ADARB2: variants seen among roughly 807,000 people sequenced by gnomAD.
ADARB2 encodes adenosine deaminase RNA specific B2 (inactive), also known as inactive double-stranded RNA-specific editase B2.
ADARB2 carries 25 observed loss-of-function variants against 62.2 expected under a neutral mutation model. The ratio of observed to expected loss-of-function variants is 0.40; its 90% CI spans 0.29 to 0.56. The LOEUF (loss-of-function observed/expected upper bound fraction) is 0.56, where lower values mean the gene tolerates loss of function less well. Ranked by LOEUF, ADARB2 falls within the 20% of genes least tolerant of loss-of-function variation. ADARB2 has a pLI of 0.43. For synonymous variants in ADARB2, 572 were observed against 500.8 expected (o/e 1.14, Z -1.90); for missense variants, 1,071 against 1,077.4 (o/e 0.99, Z 0.08).
chr10:1,480,630 G>A (rs1039401537), intron 1 of ADARB2, among the ~76,000 whole-genome samples: 14 of 149,650 alleles, frequency 9.4e-5, no homozygotes, highest in African/African-American at 2.9e-4. Flanking sequence ...CCTGGGAGGC[G>A]GAGCTTGCAG....
At chr10:1,590,207 C>CTCACATTTTGGT (rs1332659103) in intron 1 of ADARB2, among the ~76,000 whole-genome samples, 1 of 152,206 alleles carries the variant, frequency 6.6e-6, no homozygotes, top group Non-Finnish European at 1.5e-5. Flanking sequence ...TGACTTCCAT[C>CTCACATTTTGGT]TGTGCTCATT....
intron 1 of ADARB2, among the ~76,000 whole-genome samples, chr10:1,452,181 C>T (rs1408025051): frequency 6.6e-6 from 1 of 152,164 alleles, no homozygotes; most frequent in Non-Finnish European, 1.5e-5. Context: ...GAGACAGCAG[C>T]TTTCCAGCTG....
chr10:1,288,923 G>C (rs1173915484), intron 3 of ADARB2, among the ~76,000 whole-genome samples: 6 of 152,172 alleles, frequency 3.9e-5, no homozygotes, highest in Non-Finnish European at 8.8e-5. Flanking sequence ...CCTCTTCTCA[G>C]CCAAGGGCAT....
intron 1 of ADARB2, among the ~76,000 whole-genome samples, chr10:1,579,780 A>G (rs961422820): frequency 1.3e-5 from 2 of 152,146 alleles, no homozygotes. Context: ...ACCGCTGGTG[A>G]CTTCTCATCC....
intron 1 of ADARB2, among the ~76,000 whole-genome samples, chr10:1,708,319 C>G (rs1253846035): frequency 6.6e-6 from 1 of 152,176 alleles, no homozygotes; most frequent in Non-Finnish European, 1.5e-5. Flanking sequence ...GGGTGCCTAC[C>G]TGCAGTTTAA....
At chr10:1,338,228 A>G (rs561337543) in intron 3 of ADARB2, among the ~76,000 whole-genome samples, 5 of 152,222 alleles carry the variant, frequency 3.3e-5, no homozygotes, top group South Asian at 2.1e-4. Flanking sequence ...TGGCAGACTG[A>G]TAAGTGTTTA....
At chr10:1,683,175 T>C (rs1197116065) in intron 1 of ADARB2, among the ~76,000 whole-genome samples, 2 of 152,156 alleles carry the variant, frequency 1.3e-5, no homozygotes, top group Non-Finnish European at 2.9e-5. Flanking sequence ...GAGAAACAAA[T>C]AGCGCTAGCA....
intron 3 of ADARB2, among the ~76,000 whole-genome samples, chr10:1,345,839 T>C (rs977026630): frequency 2.0e-5 from 3 of 152,366 alleles, no homozygotes; most frequent in African/African-American, 7.2e-5. Flanking sequence ...GTGTGCTTGA[T>C]GGAAGGATAT....
At chr10:1,554,358 A>G (rs1832671765) in intron 1 of ADARB2, among the ~76,000 whole-genome samples, 1 of 151,778 alleles carries the variant, frequency 6.6e-6, no homozygotes, top group Non-Finnish European at 1.5e-5. Context: ...TTAAACGCAG[A>G]GAGTCATTTT....
chr10:1,200,321 G>T (rs1263598147), intron 7 of ADARB2, 174 bp from the exon 8 acceptor site: 9 of 801,484 alleles, frequency 1.1e-5, no homozygotes, highest in Middle Eastern at 2.2e-4. Flanking sequence ...GGGCTCTGGG[G>T]ACACTGTTGC....
chr10:1,268,141 A>G (rs960438188), intron 4 of ADARB2, among the ~76,000 whole-genome samples: 1 of 152,238 alleles, frequency 6.6e-6, no homozygotes, highest in Non-Finnish European at 1.5e-5. Flanking sequence ...AAAAGTATCA[A>G]ATGTTAATAG....
At chr10:1,219,948 ATGGTGATGGTGG>A (rs1249831694) in intron 6 of ADARB2, among the ~76,000 whole-genome samples, 1 of 113,730 alleles carries the variant, frequency 8.8e-6, no homozygotes, top group Non-Finnish European at 1.8e-5. Flanking sequence ...GGTGGTGATA[ATGGTGATGGTGG>A]TGGTGATGGA....
chr10:1,669,598 A>G (rs541406679), intron 1 of ADARB2, among the ~76,000 whole-genome samples: 1 of 151,672 alleles, frequency 6.6e-6, no homozygotes, highest in Non-Finnish European at 1.5e-5. Context: ...ACAAACACAG[A>G]CACACTCATA....
chr10:1,241,783 G>A (rs943191562), intron 5 of ADARB2, among the ~76,000 whole-genome samples: 1 of 152,216 alleles, frequency 6.6e-6, no homozygotes, highest in Non-Finnish European at 1.5e-5. Context: ...CACGTTCTCT[G>A]AGGGCAACGG....
intron 1 of ADARB2, among the ~76,000 whole-genome samples, chr10:1,582,037 T>G (rs1217578526): frequency 1.3e-5 from 2 of 152,198 alleles, no homozygotes; most frequent in African/African-American, 4.8e-5. Context: ...GCACTTGACT[T>G]GAGGTCCGAG....
intron 1 of ADARB2, among the ~76,000 whole-genome samples, chr10:1,466,700 G>C (rs1270213522): frequency 6.6e-6 from 1 of 152,164 alleles, no homozygotes; most frequent in Non-Finnish European, 1.5e-5. Context: ...GAATTCAGTA[G>C]ACTTTTCTGT....
intron 1 of ADARB2, among the ~76,000 whole-genome samples, chr10:1,719,241 G>A (rs749686892): frequency 6.6e-6 from 1 of 152,144 alleles, no homozygotes; most frequent in Admixed American, 6.5e-5. Context: ...TGGGATTACA[G>A]GTGTGAACCA....
rs543392722 is a variant in ADARB2, at chr10:1,565,850, G to A, written c.100+171201C>T. On this transcript the variant is annotated intron_variant, in intron 1 of 9. Coordinates refer to ENST00000381312, the MANE Select transcript of ADARB2 (RefSeq NM_018702.4). ...TGTCTTGGAGGTTCGGTGTGTTCAC[G>A]CGCTTCTCCGTGGTGGGCAGCATTG... 6.0e-4 allele frequency among the ~76,000 whole-genome samples: 92 copies of A among 152,096 alleles called. 1 individual carries two copies. The highest frequency in any genetic ancestry group is 2.3e-3 in the Admixed American group (35 of 15,286).
At chr10:1,638,506 G>T (rs1236532445) in intron 1 of ADARB2, among the ~76,000 whole-genome samples, 1 of 148,626 alleles carries the variant, frequency 6.7e-6, no homozygotes, top group Non-Finnish European at 1.5e-5. Flanking sequence ...CTTTCATGAG[G>T]TTTTTTTTTT....
Sources: gnomAD v4.1 joint callset for allele counts (sites outside exome capture counted in the v4.1 genomes callset) on GRCh38, gnomAD v4.1.1 for gene constraint, MANE v1.5 for transcripts, NCBI Gene and HGNC (gene_info 2026-07-23, HGNC 2026-07-21) for gene names.